Variants in CEP128 observed in about 807,000 individuals in gnomAD.
The protein encoded by CEP128 is centrosomal protein 128.
Under a neutral mutation model 156.7 loss-of-function variants are expected in CEP128, and 132 were observed. The observed-to-expected ratio is 0.84, with a 90% confidence interval of 0.73 to 0.97. The LOEUF (loss-of-function observed/expected upper bound fraction) is 0.97, where lower values mean the gene tolerates loss of function less well. CEP128 is among the 50% of genes least tolerant of loss of function. CEP128 has a pLI of 0.00. For synonymous variants in CEP128, 469 were observed against 448.9 expected (o/e 1.04, Z -0.57); for missense variants, 1,252 against 1,281.9 (o/e 0.98, Z 0.36).
rs1194518092 is a variant in CEP128, at chr14:80,704,690, T to A, written c.2806+38385A>T. 7.3e-5 allele frequency among the ~76,000 whole-genome samples: 9 copies of A among 123,206 alleles called. No homozygotes were observed. In the South Asian group the frequency reaches 2.1e-3, roughly 29 times the overall value. 80.8% of individuals were successfully genotyped at this position (123,206 alleles called of 152,430 possible). A position where few individuals can be genotyped will look rare whatever the true frequency, so the allele number is the denominator to read the frequency against. ...TGTTGACTATAATTTTTTTATAAAA[T>A]TAGGATGGTAATGATACTGATGTCA... On this transcript the variant is annotated intron_variant, in intron 19 of 24. Transcript: ENST00000555265.
intron 19 of CEP128, among the ~76,000 whole-genome samples, chr14:80,698,411 A>C (rs1254904780): frequency 6.6e-6 from 1 of 152,136 alleles, no homozygotes; most frequent in Non-Finnish European, 1.5e-5. Context: ...CCCTATGAAG[A>C]ACATGTGAAA....
At chr14:80,533,789 A>G (rs988209576) in intron 21 of CEP128, among the ~76,000 whole-genome samples, 1 of 152,154 alleles carries the variant, frequency 6.6e-6, no homozygotes, top group Non-Finnish European at 1.5e-5. Flanking sequence ...TCAATATCAG[A>G]AACACTTTCT....
chr14:80,873,888 A>G (rs1364882374), intron 8 of CEP128, among the ~76,000 whole-genome samples: 1 of 152,142 alleles, frequency 6.6e-6, no homozygotes, highest in Non-Finnish European at 1.5e-5. Flanking sequence ...TAGAAACGGG[A>G]GTTTCCCTGC....
intron 23 of CEP128, among the ~76,000 whole-genome samples, chr14:80,514,234 T>C (rs1053061867): frequency 6.6e-6 from 1 of 152,164 alleles, no homozygotes; most frequent in African/African-American, 2.4e-5. Flanking sequence ...AAAATACATA[T>C]ACCAAGCTGT....
chr14:80,564,309 C>T (rs184533028), intron 20 of CEP128, among the ~76,000 whole-genome samples: 1 of 152,138 alleles, frequency 6.6e-6, no homozygotes, highest in Non-Finnish European at 1.5e-5. Flanking sequence ...GCTGTTCTTA[C>T]CAATAAGTGA....
chr14:80,773,326 A>G (rs900042205), intron 16 of CEP128, among the ~76,000 whole-genome samples: 1 of 152,146 alleles, frequency 6.6e-6, no homozygotes, highest in Non-Finnish European at 1.5e-5. Context: ...AATTTTTCTC[A>G]TTGTATATAA....
downstream of CEP128, among the ~76,000 whole-genome samples, chr14:80,487,404 T>TA (rs1349912649): frequency 1.3e-5 from 2 of 152,308 alleles, no homozygotes; most frequent in Non-Finnish European, 1.5e-5. Flanking sequence ...CAAAGAGACT[T>TA]AGACTCCCAC....
At chr14:80,632,573 TC>T in intron 19 of CEP128, among the ~76,000 whole-genome samples, 1 of 149,820 alleles carries the variant, frequency 6.7e-6, no homozygotes, top group Middle Eastern at 3.6e-3. Context: ...AAATCTATTA[TC>T]TATATAATAT....
chr14:80,867,930 C>G (rs1283387963), intron 8 of CEP128, among the ~76,000 whole-genome samples: 1 of 151,770 alleles, frequency 6.6e-6, no homozygotes, highest in Non-Finnish European at 1.5e-5. Context: ...TCTCAAAAGG[C>G]AAAAACAAAG....
chr14:80,642,772 T>C (rs1894473185), intron 19 of CEP128, among the ~76,000 whole-genome samples: 1 of 152,036 alleles, frequency 6.6e-6, no homozygotes, highest in Admixed American at 6.5e-5. Context: ...TTTTTTTTTT[T>C]TGAGACAGAG....
At chr14:80,560,642 C>T (rs1009889998) in intron 20 of CEP128, among the ~76,000 whole-genome samples, 2 of 151,990 alleles carry the variant, frequency 1.3e-5, no homozygotes, top group Non-Finnish European at 2.9e-5. Context: ...GCAGACCCAC[C>T]GTTAATCTGG....
chr14:80,914,866 T>A (rs1026462319), intron 3 of CEP128, among the ~76,000 whole-genome samples: 2 of 152,216 alleles, frequency 1.3e-5, no homozygotes, highest in African/African-American at 4.8e-5. Context: ...ACAAATTTAA[T>A]TTTAATCACA....
intron 19 of CEP128, among the ~76,000 whole-genome samples, chr14:80,631,539 T>G (rs958682670): frequency 6.6e-6 from 1 of 152,046 alleles, no homozygotes; most frequent in Non-Finnish European, 1.5e-5. Context: ...ATAACACTAC[T>G]ACTGTTTGTT....
At chr14:80,761,764 T>C (rs535542337) in intron 16 of CEP128, 151 bp from the exon 17 acceptor site, 2 of 502,170 alleles carry the variant, frequency 4.0e-6, no homozygotes, top group South Asian at 1.1e-4. Context: ...AACACTTTAA[T>C]CTACTCATTA....
chr14:80,937,600 T>C (rs1031937387), intron 2 of CEP128, among the ~76,000 whole-genome samples: 1 of 152,106 alleles, frequency 6.6e-6, no homozygotes, highest in African/African-American at 2.4e-5. Flanking sequence ...ATGTATCTAA[T>C]CACTGGGATA....
chr14:80,838,366 T>A, intron 10 of CEP128, 88 bp from the exon 11 acceptor site: 2 of 910,990 alleles, frequency 2.2e-6, no homozygotes, highest in Non-Finnish European at 3.5e-6. Context: ...AGGAGAAAAG[T>A]GGAAAAGTTT....
rs372341494 is a variant in CEP128 at position 80,646,994 on chromosome 14, A to AATATATATATAT, written c.2807-66583_2807-66572dup. ...CCAAAAGGTGCTTTTATTTATAAGA[A>AATATATATATAT]ATATATATATATATATATGTGTGTG... On this transcript the variant is annotated intron_variant, in intron 19 of 24. Transcript: ENST00000555265. Among the ~76,000 whole-genome samples, 46 of 76,590 alleles carry AATATATATATAT rather than the reference A, an allele frequency of 6.0e-4. 2 individuals carry two copies. Among genetic ancestry groups the AATATATATATAT allele is most frequent in the African/African-American group, 1.5e-3 (42 of 27,506 alleles). 50.2% of individuals were successfully genotyped at this position (76,590 alleles called of 152,430 possible). A position where few individuals can be genotyped will look rare whatever the true frequency, so the allele number is the denominator to read the frequency against.
intron 20 of CEP128, among the ~76,000 whole-genome samples, chr14:80,560,638 C>G (rs1890629789): frequency 6.6e-6 from 1 of 151,900 alleles, no homozygotes; most frequent in African/African-American, 2.4e-5. Context: ...GAAGGCAGAC[C>G]CACCGTTAAT....
intron 8 of CEP128, among the ~76,000 whole-genome samples, chr14:80,865,265 T>C (rs181190192): frequency 6.6e-6 from 1 of 152,388 alleles, no homozygotes; most frequent in African/African-American, 2.4e-5. Flanking sequence ...GATTTCCTTC[T>C]TTTTAAAAAT....
Sources: allele counts gnomAD v4.1 joint callset (sites outside exome capture counted in the v4.1 genomes callset), GRCh38; gene constraint gnomAD v4.1.1; transcripts MANE v1.5; gene names NCBI Gene and HGNC (gene_info 2026-07-23, HGNC 2026-07-21).